Variants in MAD1L1 observed in about 807,000 individuals in gnomAD.
The protein encoded by MAD1L1 is mitotic arrest deficient 1 like 1, also known as mitotic spindle assembly checkpoint protein MAD1.
In MAD1L1, 95 loss-of-function variants were observed where a neutral mutation model predicts 96.9. The ratio of observed to expected loss-of-function variants is 0.98; its 90% CI spans 0.83 to 1.16. MAD1L1 has a LOEUF of 1.16. MAD1L1 is among the 50% of genes most tolerant of loss of function. MAD1L1 has a pLI of 0.00. For missense variants in MAD1L1, 1,007 were observed against 954.4 expected, an observed-to-expected ratio of 1.06 and a Z score of -0.73; for synonymous variants, 473 against 396.6, an observed-to-expected ratio of 1.19 and a Z score of -2.29.
chr7:2,080,829 A>C (rs1231733813), intron 11 of MAD1L1, among the ~76,000 whole-genome samples: 1 of 152,070 alleles, frequency 6.6e-6, no homozygotes, highest in Admixed American at 6.5e-5. Flanking sequence ...CCAGGGAGGG[A>C]GACGTTTTCG....
intron 3 of MAD1L1, among the ~76,000 whole-genome samples, chr7:2,228,712 G>C (rs1183724902): frequency 6.6e-6 from 1 of 150,574 alleles, no homozygotes; most frequent in Non-Finnish European, 1.5e-5. Flanking sequence ...TCCTCATCAA[G>C]AAAGGGCAGT....
chr7:2,133,598 G>T (rs1393374735), intron 11 of MAD1L1, among the ~76,000 whole-genome samples: 2 of 152,206 alleles, frequency 1.3e-5, no homozygotes, highest in East Asian at 3.8e-4. Flanking sequence ...TGCCTTTGGT[G>T]TTGTACGTTA....
chr7:2,118,316 G>A (rs1332691029), intron 11 of MAD1L1, among the ~76,000 whole-genome samples: 1 of 122,200 alleles, frequency 8.2e-6, no homozygotes, highest in Non-Finnish European at 1.8e-5. Context: ...CGCAGGACGT[G>A]GTTGGCGGTC....
rs201944036 is a variant in MAD1L1, at chr7:2,069,229, G to A, written c.1183C>T (p.Arg395Trp). The A allele has an allele frequency of 5.2e-5, 84 of 1,608,896 alleles. No homozygotes were observed. The African/African-American group carries it at 5.4e-4, about 10-fold the overall frequency. ...AGCAGGACCCGTTTCTGGAGCCTCC[G>A]GGCCAGCGCCTCGTGGGTCTCGCGC... The part of the protein sequence containing the change: ...KKRETHEALA[R>W]RLQKRVLLLT... Residue 395 changes from arginine to tryptophan, a missense_variant, in exon 12 of 19, where the codon CGG (arginine) becomes TGG (tryptophan). Transcript: ENST00000265854.
At chr7:2,077,118 T>G (rs1201077956) in intron 11 of MAD1L1, among the ~76,000 whole-genome samples, 1 of 148,668 alleles carries the variant, frequency 6.7e-6, no homozygotes, top group African/African-American at 2.5e-5. Flanking sequence ...GAGCCCGAGA[T>G]GGTTACGACA....
intron 18 of MAD1L1, among the ~76,000 whole-genome samples, chr7:1,852,487 G>A (rs1562458449): frequency 2.0e-5 from 3 of 152,288 alleles, no homozygotes; most frequent in South Asian, 2.1e-4. Flanking sequence ...GCAATGCCCC[G>A]CTCCCTGGGC....
At chr7:2,206,388 G>C (rs1792599211) in intron 10 of MAD1L1, among the ~76,000 whole-genome samples, 1 of 152,156 alleles carries the variant, frequency 6.6e-6, no homozygotes, top group African/African-American at 2.4e-5. Flanking sequence ...TCGTTGTATT[G>C]TAAGACCTCT....
rs1471125170 is a variant in MAD1L1 at position 2,042,300 on chromosome 7, CGCA to C, written c.1218+26891_1218+26893del. Among the ~76,000 whole-genome samples, 19 of 151,986 alleles carry C rather than the reference CGCA, an allele frequency of 1.3e-4. No individual in the cohort carries two copies. The East Asian group carries it at 3.5e-3, about 28-fold the overall frequency. On this transcript the variant is annotated intron_variant, in intron 12 of 18. Transcript: ENST00000265854. ...ACACGCGCACATGGACACAGACACA[CGCA>C]GATGTGCACAGACACACAGGCACAC...
chr7:2,139,461 G>C (rs1480311809), intron 11 of MAD1L1, among the ~76,000 whole-genome samples: 4 of 152,176 alleles, frequency 2.6e-5, no homozygotes, highest in Non-Finnish European at 4.4e-5. Context: ...CCACAGCCCT[G>C]AGCTCTGTGT....
Position 2,177,114 on chromosome 7 carries a change from G to A in MAD1L1, c.987-27876C>T, listed in dbSNP as rs79866187. Among the ~76,000 whole-genome samples, 1,517 of 152,336 alleles carry A rather than the reference G, an allele frequency of 1.0e-2. 25 individuals are homozygous for A. Among genetic ancestry groups the A allele is most frequent in the African/African-American group, 0.034 (1,423 of 41,576 alleles). ...ATGTTTTAATGTCAGGAGAAACACA[G>A]ACCAAAATGCTTATGAAATAGTCTG... On this transcript the variant is annotated intron_variant, in intron 10 of 18. Coordinates refer to ENST00000265854, the MANE Select transcript of MAD1L1 (RefSeq NM_001013836.2).
At chr7:1,882,785 C>A (rs1275803682) in intron 18 of MAD1L1, among the ~76,000 whole-genome samples, 1 of 152,254 alleles carries the variant, frequency 6.6e-6, no homozygotes, top group African/African-American at 2.4e-5. Context: ...CCCAGGCCTG[C>A]CCTCCATCAC....
chr7:1,916,496 G>A (rs1788404203), intron 17 of MAD1L1, among the ~76,000 whole-genome samples: 1 of 152,218 alleles, frequency 6.6e-6, no homozygotes, highest in Admixed American at 6.5e-5. Context: ...GGTATAGAGA[G>A]AGGAGCAAGT....
At chr7:1,996,069 GCAGCAC>G (rs1407373008) in intron 14 of MAD1L1, among the ~76,000 whole-genome samples, 1 of 152,232 alleles carries the variant, frequency 6.6e-6, no homozygotes, top group Admixed American at 6.5e-5. Context: ...ATCTTCAGTA[GCAGCAC>G]CAGTGAAGAT....
At chr7:1,982,801 C>G (rs1780967178) in intron 14 of MAD1L1, among the ~76,000 whole-genome samples, 1 of 152,154 alleles carries the variant, frequency 6.6e-6, no homozygotes, top group Non-Finnish European at 1.5e-5. Context: ...GGAGCTGAAG[C>G]CAATACTTTC....
intron 16 of MAD1L1, among the ~76,000 whole-genome samples, chr7:1,950,663 C>G (rs754729642): frequency 1.3e-4 from 20 of 152,350 alleles, no homozygotes; most frequent in Non-Finnish European, 2.4e-4. Flanking sequence ...TCACCTCCTC[C>G]CCTGCACCCA....
chr7:1,822,443 T>TATATATA (rs57772706), intron 18 of MAD1L1, among the ~76,000 whole-genome samples: 33,757 of 104,944 alleles, frequency 0.32, 4,710 homozygotes, highest in Middle Eastern at 0.45. Context: ...TATATATATA[T>TATATATA]TTTTTTTTTT....
chr7:2,099,733 C>T (rs570464346), intron 11 of MAD1L1, among the ~76,000 whole-genome samples: 2 of 152,342 alleles, frequency 1.3e-5, no homozygotes, highest in African/African-American at 2.4e-5. Context: ...GCACCCGGGC[C>T]GTGGCTTCCT....
intron 4 of MAD1L1, among the ~76,000 whole-genome samples, chr7:2,224,917 C>T (rs979324992): frequency 6.6e-6 from 1 of 152,190 alleles, no homozygotes; most frequent in Non-Finnish European, 1.5e-5. Flanking sequence ...AGACCCTGAT[C>T]CACCCCATGA....
At chr7:2,223,304 C>T (rs1219577556) in intron 4 of MAD1L1, among the ~76,000 whole-genome samples, 2 of 152,174 alleles carry the variant, frequency 1.3e-5, no homozygotes, top group Non-Finnish European at 2.9e-5. Flanking sequence ...CCAGACCCAC[C>T]CCCCACGACT....
Sources: gnomAD v4.1 joint callset for allele counts (sites outside exome capture counted in the v4.1 genomes callset) on GRCh38, gnomAD v4.1.1 for gene constraint, MANE v1.5 for transcripts, NCBI Gene and HGNC (gene_info 2026-07-23, HGNC 2026-07-21) for gene names.